Variants in DUSP18 observed in about 807,000 individuals in gnomAD.
DUSP18 encodes dual specificity protein phosphatase 18.
DUSP18 carries 4 observed loss-of-function variants against 6.3 expected under a neutral mutation model. That is an observed-to-expected ratio of 0.63 (90% CI 0.31 to 1.45). DUSP18 has a LOEUF of 1.45. Among genes scored for constraint, DUSP18 ranks in the 40% most tolerant of loss-of-function variants. DUSP18 has a pLI of 0.07. For missense variants in DUSP18, 235 were observed against 247.7 expected (o/e 0.95, Z 0.34); for synonymous variants, 96 against 95.1 (o/e 1.01, Z -0.05).
chr22:30,655,716 T>G (rs1172828338), intron 2 of DUSP18, among the ~76,000 whole-genome samples: 2 of 152,064 alleles, frequency 1.3e-5, no homozygotes, highest in Admixed American at 6.6e-5. Flanking sequence ...TTTCTGTAAA[T>G]AGAGGTCTGT....
chr22:30,656,326 T>C (rs1362995291), intron 2 of DUSP18, among the ~76,000 whole-genome samples: 2 of 152,078 alleles, frequency 1.3e-5, no homozygotes, highest in Non-Finnish European at 2.9e-5. Context: ...CAGGGCTGTG[T>C]GCTTCAAGGT....
intron 2 of DUSP18, among the ~76,000 whole-genome samples, chr22:30,652,747 T>G (rs1204554762): frequency 1.3e-5 from 2 of 152,248 alleles, no homozygotes; most frequent in African/African-American, 4.8e-5. Context: ...ACATAGTAGT[T>G]GGTGTCCACC....
At chr22:30,653,374 CTT>C (rs892435016) in intron 2 of DUSP18, among the ~76,000 whole-genome samples, 28 of 142,470 alleles carry the variant, frequency 2.0e-4, no homozygotes, top group Non-Finnish European at 2.2e-4. Flanking sequence ...CTTCCTCCTT[CTT>C]TTTTTTTTTT....
chr22:30,663,359 T>G lies in DUSP18; in HGVS notation c.*78A>C, dbSNP rs916130083. ...TTTTTCTGTATCAACAAAAGTAGAA[T>G]GTTCAAGTTTGGATCTTGGTGTAAG... On this transcript the variant is annotated 3_prime_UTR_variant, in exon 2 of 2. Transcript: ENST00000334679. The G allele has an allele frequency of 1.4e-6, 2 of 1,395,484 alleles. No homozygotes were observed. Among genetic ancestry groups the G allele is most frequent in the Admixed American group, 4.5e-5 (2 of 44,874 alleles). 86.4% of individuals were successfully genotyped at this position (1,395,484 alleles called of 1,614,324 possible). A position where few individuals can be genotyped will look rare whatever the true frequency, so the allele number is the denominator to read the frequency against.
At chr22:30,660,836 G>C (rs565530520), downstream of DUSP18, among the ~76,000 whole-genome samples, 1 of 150,942 alleles carries the variant, frequency 6.6e-6, no homozygotes, top group East Asian at 2.0e-4. Context: ...AGAAGGCATA[G>C]AACAATTTTT....
At chr22:30,666,747 C>G (rs2088686554) in intron 1 of DUSP18, 1 of 148,770 alleles carries the variant, frequency 6.7e-6, no homozygotes, top group Non-Finnish European at 1.5e-5. Flanking sequence ...GTGGGAGAAA[C>G]AGATAGTAAA....
chr22:30,659,855 T>A (rs1403922570), downstream of DUSP18, among the ~76,000 whole-genome samples: 3 of 152,218 alleles, frequency 2.0e-5, no homozygotes, highest in Non-Finnish European at 4.4e-5. Context: ...TGATTCTCTC[T>A]GGCTGGACTT....
At chr22:30,657,734 C>G (rs927681511), downstream of DUSP18, among the ~76,000 whole-genome samples, 21 of 150,778 alleles carry the variant, frequency 1.4e-4, no homozygotes, top group African/African-American at 4.9e-4. Context: ...GAAACCCCAT[C>G]TCTACTAAAA....
Position 30,663,511 on chromosome 22 carries a change from GCA to G in DUSP18, c.491_492del (p.Val164AlafsTer12), listed in dbSNP as rs538206035. Reference sequence around the variant, plus strand: ...ATTCCCACTGGGGAACTGACCATGTGCACAGTGTTCTTGCCAAACAATTGGAA... The same window carrying G: ...ATTCCCACTGGGGAACTGACCATGTGCAGTGTTCTTGCCAAACAATTGGAA... ...YEFQLFGKNT[V>X]HMVSSPVGMI... On this transcript the variant is annotated frameshift_variant, in exon 2 of 2. Transcript: ENST00000334679. LOFTEE classifies it high-confidence loss of function. 6,852 of 1,614,194 alleles carry G rather than the reference GCA, an allele frequency of 4.2e-3. 17 individuals carry two copies. The highest frequency in any genetic ancestry group is 5.3e-3 in the Non-Finnish European group (6,251 of 1,180,046).
chr22:30,663,836 T>A lies in DUSP18; in HGVS notation c.168A>T (p.Val56=). ...ITMVINVSVE[V]VNTLYEDIQY... is the part of the protein sequence containing the mutation. ...GGATATCCTCATACAAGGTGTTCAC[T>A]ACCTCCACTGAGACATTGATGACCA... Residue 56 remains valine, a synonymous_variant, in exon 2 of 2, where the codon GTA becomes GTT. Coordinates refer to ENST00000334679, the MANE Select transcript of DUSP18 (RefSeq NM_152511.5). The A allele has an allele frequency of 6.2e-7, 1 of 1,614,226 alleles. No individual in the cohort carries two copies.
downstream of DUSP18, among the ~76,000 whole-genome samples, chr22:30,660,202 T>C (rs1320684282): frequency 6.6e-6 from 1 of 152,226 alleles, no homozygotes; most frequent in African/African-American, 2.4e-5. Flanking sequence ...CTATAGAAAT[T>C]GTGAGAAAAT....
downstream of DUSP18, among the ~76,000 whole-genome samples, chr22:30,658,563 G>A (rs1372642820): frequency 6.6e-6 from 1 of 151,692 alleles, no homozygotes; most frequent in African/African-American, 2.4e-5. Context: ...GAGTACACCC[G>A]CCATGGAGGG....
intron 1 of DUSP18, among the ~76,000 whole-genome samples, chr22:30,665,878 G>A (rs1431407724): frequency 6.7e-6 from 1 of 149,806 alleles, no homozygotes; most frequent in Non-Finnish European, 1.5e-5. Context: ...TGCCTTCTGA[G>A]AGGTTTTCTG....
chr22:30,654,650 G>T, intron 2 of DUSP18: 1 of 451,928 alleles, frequency 2.2e-6, no homozygotes, highest in South Asian at 1.7e-5. Context: ...ATCCACTTGT[G>T]GAGGAAGGCC....
At chr22:30,658,028 G>A (rs1208691945), downstream of DUSP18, among the ~76,000 whole-genome samples, 1 of 151,694 alleles carries the variant, frequency 6.6e-6, no homozygotes, top group Non-Finnish European at 1.5e-5. Flanking sequence ...GATCATTGGA[G>A]GCTGGGAGTT....
intron 1 of DUSP18, chr22:30,665,407 C>G (rs2088611873): frequency 2.5e-6 from 1 of 395,136 alleles, no homozygotes; most frequent in Admixed American, 3.0e-5. Context: ...GAGCCACTTA[C>G]AGTTCCTTAG....
intron 1 of DUSP18, chr22:30,665,477 CT>C: frequency 2.1e-6 from 1 of 469,978 alleles, no homozygotes; most frequent in Non-Finnish European, 4.4e-6. Flanking sequence ...AGTCTCTTTC[CT>C]TATGAACCCA....
chr22:30,653,712 C>G (rs2088273669), intron 2 of DUSP18, among the ~76,000 whole-genome samples: 1 of 151,852 alleles, frequency 6.6e-6, no homozygotes, highest in Non-Finnish European at 1.5e-5. Context: ...CCCAGCTGTA[C>G]CTGCTGCCTA....
Position 30,661,642 on chromosome 22 carries a change from CCA to C in DUSP18, c.*1793_*1794del, listed in dbSNP as rs1464036508. 6 of 152,082 alleles carry C rather than the reference CCA, an allele frequency of 3.9e-5. No homozygotes were observed. In the East Asian group the frequency reaches 9.6e-4, roughly 24 times the overall value. The allele number at this position is 152,082 out of a possible 1,614,324, so 9.4% of individuals were successfully genotyped here. On this transcript the variant is annotated 3_prime_UTR_variant, in exon 2 of 2. Transcript: ENST00000334679. ...ATTTGGCTTCTACTGGAATCTGGAG[CCA>C]CAGTTTGGTGTCAAACAGAGCAGCT...
Sources: allele counts gnomAD v4.1 joint callset (sites outside exome capture counted in the v4.1 genomes callset), GRCh38; gene constraint gnomAD v4.1.1; transcripts MANE v1.5; gene names NCBI Gene and HGNC (gene_info 2026-07-23, HGNC 2026-07-21).